Variants in SLC38A6 observed in about 807,000 individuals in gnomAD.
The protein encoded by SLC38A6 is N system amino acid transporter NAT-1.
SLC38A6 carries 73 observed loss-of-function variants against 65.0 expected under a neutral mutation model. The observed-to-expected ratio is 1.12, with a 90% CI of 0.93 to 1.37. The LOEUF is 1.37. SLC38A6 is among the 40% of genes most tolerant of loss of function. SLC38A6 has a pLI of 0.00. For synonymous variants in SLC38A6, 183 were observed against 178.8 expected (o/e 1.02, Z -0.19); for missense variants, 561 against 531.1 (o/e 1.06, Z -0.55).
chr14:61,070,234 C>T (rs772529520), intron 15 of SLC38A6, among the ~76,000 whole-genome samples: 1 of 152,236 alleles, frequency 6.6e-6, no homozygotes, highest in Non-Finnish European at 1.5e-5. Flanking sequence ...CAGTCCCTGG[C>T]AACTGCCATT....
intron 3 of SLC38A6, among the ~76,000 whole-genome samples, chr14:61,010,996 T>G (rs567514106): frequency 9.2e-5 from 14 of 152,314 alleles, no homozygotes; most frequent in South Asian, 8.3e-4. Flanking sequence ...TTCACGACAT[T>G]GATTCTTCCT....
At chr14:61,015,788 G>C in intron 3 of SLC38A6, 116 bp from the exon 4 acceptor site, 1 of 653,356 alleles carries the variant, frequency 1.5e-6, no homozygotes. Context: ...GTCCTGATTG[G>C]CCTGGATCAT....
In SLC38A6 at chr14:61,016,267, A is replaced by G. The variant is rs77641969; in HGVS notation, c.363+311A>G. Among the ~76,000 whole-genome samples, 209 of 152,324 alleles carry G rather than the reference A, an allele frequency of 1.4e-3. 5 individuals carry two copies. In the East Asian group the frequency reaches 0.038, roughly 28 times the overall value. On this transcript the variant is annotated intron_variant, in intron 4 of 15. Transcript: ENST00000267488. Reference sequence around the variant, plus strand: ...GTTTTAAGTTGTATTAATTTTGATTATGTACTCATATGAGTAAACCCTCAT... The same window carrying G: ...GTTTTAAGTTGTATTAATTTTGATTGTGTACTCATATGAGTAAACCCTCAT...
chr14:61,020,128 A>G (rs2040266341), intron 5 of SLC38A6, among the ~76,000 whole-genome samples: 1 of 152,176 alleles, frequency 6.6e-6, no homozygotes, highest in Non-Finnish European at 1.5e-5. Context: ...TGATCTCAAT[A>G]TTGAGAACTA....
chr14:61,070,599 G>A (rs2043195868), intron 15 of SLC38A6, among the ~76,000 whole-genome samples: 1 of 152,080 alleles, frequency 6.6e-6, no homozygotes. Context: ...TGTATCATAT[G>A]GTAGTTCTAT....
intron 16 of SLC38A6, among the ~76,000 whole-genome samples, chr14:61,083,068 T>C (rs1484817337): frequency 6.6e-6 from 1 of 152,170 alleles, no homozygotes; most frequent in Non-Finnish European, 1.5e-5. Context: ...CACCAAATAG[T>C]TTGAGCTTGG....
chr14:61,040,786 T>C (rs2041754540), intron 8 of SLC38A6, among the ~76,000 whole-genome samples: 1 of 152,148 alleles, frequency 6.6e-6, no homozygotes, highest in African/African-American at 2.4e-5. Context: ...TGGCCTGAAA[T>C]AGAGAATTAT....
At chr14:61,050,376 A>G in intron 12 of SLC38A6, 136 bp from the exon 13 acceptor site, 1 of 476,806 alleles carries the variant, frequency 2.1e-6, no homozygotes, top group Non-Finnish European at 3.4e-6. Context: ...TCTGTGTTTC[A>G]TAGGCTAGGG....
intron 15 of SLC38A6, among the ~76,000 whole-genome samples, chr14:61,071,106 A>C (rs2043212177): frequency 6.6e-6 from 1 of 152,198 alleles, no homozygotes; most frequent in East Asian, 1.9e-4. Context: ...GTATCAGTAT[A>C]CACAAAACTC....
intron 3 of SLC38A6, among the ~76,000 whole-genome samples, chr14:60,985,349 A>T (rs1451713528): frequency 6.6e-6 from 1 of 152,258 alleles, no homozygotes; most frequent in African/African-American, 2.4e-5. Context: ...ATTTGTGTAT[A>T]TACTTTTTCC....
intron 15 of SLC38A6, among the ~76,000 whole-genome samples, chr14:61,064,379 G>T (rs575725997): frequency 1.3e-5 from 2 of 152,140 alleles, no homozygotes; most frequent in Admixed American, 6.5e-5. Context: ...ATGCAAGGAT[G>T]CCCCCTGGGG....
intron 15 of SLC38A6, among the ~76,000 whole-genome samples, chr14:61,069,548 T>C (rs1288755118): frequency 6.6e-6 from 1 of 152,082 alleles, no homozygotes; most frequent in African/African-American, 2.4e-5. Flanking sequence ...TACTCCCACT[T>C]CCAGGTACAT....
chr14:61,013,547 G>C (rs1003891024), intron 3 of SLC38A6, among the ~76,000 whole-genome samples: 16 of 152,290 alleles, frequency 1.1e-4, no homozygotes, highest in East Asian at 9.6e-4. Context: ...CATGTTTAGT[G>C]CTTCCTTCAG....
Position 61,043,150 on chromosome 14 carries a change from A to G in SLC38A6, c.628A>G (p.Ile210Val), listed in dbSNP as rs576243702. The G allele has an allele frequency of 9.9e-6, 15 of 1,522,194 alleles. No homozygotes were observed. Among genetic ancestry groups the G allele is most frequent in the South Asian group, 1.2e-5 (1 of 83,024 alleles). 94.3% of individuals were successfully genotyped at this position (1,522,194 alleles called of 1,614,324 possible). A position where few individuals can be genotyped will look rare whatever the true frequency, so the allele number is the denominator to read the frequency against. Reference sequence around the variant, plus strand: ...CTGATTCTGTTTACTTTTTTAGGTAATAATTAAAAAATGGTCCATCCCTTG... The same window carrying G: ...CTGATTCTGTTTACTTTTTTAGGTAGTAATTAAAAAATGGTCCATCCCTTG... ...FFMMFFALVV[I>V]IKKWSIPCPL... The change falls in exon 9 of 16, where the codon ATA becomes GTA. Residue 210 changes from isoleucine to valine, a missense_variant. Physicochemically the swap from Ile to Val is conservative, Grantham distance 29. Transcript: ENST00000267488.
At chr14:61,020,855 A>G (rs1403649112) in intron 5 of SLC38A6, among the ~76,000 whole-genome samples, 1 of 152,118 alleles carries the variant, frequency 6.6e-6, no homozygotes, top group African/African-American at 2.4e-5. Flanking sequence ...TCCTCTCTGT[A>G]TAGATTCTAA....
chr14:60,990,492 C>T (rs182589900), intron 3 of SLC38A6, among the ~76,000 whole-genome samples: 7 of 152,274 alleles, frequency 4.6e-5, no homozygotes, highest in Admixed American at 3.9e-4. Flanking sequence ...TACCAATCTA[C>T]ACTTTCTACT....
intron 6 of SLC38A6, among the ~76,000 whole-genome samples, chr14:61,036,691 C>A (rs2041399589): frequency 6.6e-6 from 1 of 151,938 alleles, no homozygotes; most frequent in African/African-American, 2.4e-5. Context: ...TTTGAAAATT[C>A]TTTATATCTA....
intron 5 of SLC38A6, among the ~76,000 whole-genome samples, chr14:61,027,547 G>A (rs2040675573): frequency 6.6e-6 from 1 of 152,126 alleles, no homozygotes; most frequent in South Asian, 2.1e-4. Context: ...ATTTGATCTA[G>A]TAAACCTTTT....
intron 5 of SLC38A6, among the ~76,000 whole-genome samples, chr14:61,023,504 C>G (rs955723032): frequency 1.3e-5 from 2 of 150,972 alleles, no homozygotes; most frequent in African/African-American, 4.9e-5. Flanking sequence ...ACCCGGTAGA[C>G]GGAGGTTGCA....
Sources: gnomAD v4.1 joint callset for allele counts (sites outside exome capture counted in the v4.1 genomes callset) on GRCh38, gnomAD v4.1.1 for gene constraint, MANE v1.5 for transcripts, NCBI Gene and HGNC (gene_info 2026-07-23, HGNC 2026-07-21) for gene names.